The following SGTA variants were observed in gnomAD, a reference collection of about 807,000 sequenced individuals.
SGTA encodes small glutamine rich tetratricopeptide repeat co-chaperone alpha, also known as small glutamine-rich tetratricopeptide repeat-containing protein alpha.
SGTA carries 22 observed loss-of-function variants against 44.3 expected under a neutral mutation model. The ratio of observed to expected loss-of-function variants is 0.50; its 90% CI spans 0.36 to 0.71. The LOEUF is 0.71. SGTA is among the 30% of genes least tolerant of loss of function. SGTA has a pLI of 0.00. For synonymous variants in SGTA, 174 were observed against 177.6 expected (o/e 0.98, Z 0.16); for missense variants, 341 against 435.9 (o/e 0.78, Z 1.94).
Position 2,769,053 on chromosome 19 carries a change from G to A in SGTA, c.16C>T (p.Arg6Cys), listed in dbSNP as rs368352182. The A allele has an allele frequency of 1.1e-5, 18 of 1,613,696 alleles. No individual in the cohort carries two copies. In the South Asian group the frequency reaches 1.2e-4, roughly 11 times the overall value. ...AACTGGATGATGGCGTAGGCCAGGCGCTTCTTGTTGTCCATCTTGAGCCCA... is the reference window on the plus strand; with the variant it reads ...AACTGGATGATGGCGTAGGCCAGGCACTTCTTGTTGTCCATCTTGAGCCCA... MDNKK[R>C]LAYAIIQFLH... Residue 6 changes from arginine (R) to cysteine (C), a missense_variant, in exon 2 of 12, where the codon CGC becomes TGC. By Grantham distance (180) the Arg-to-Cys change is radical. Coordinates refer to ENST00000221566, the MANE Select transcript of SGTA (RefSeq NM_003021.4).
In SGTA at chr19:2,767,655, C is replaced by T; in HGVS notation, c.132G>A (p.Gly44=). The T allele has an allele frequency of 1.9e-6, 3 of 1,613,760 alleles. No homozygotes were observed. The highest frequency in any genetic ancestry group is 2.5e-6 in the Non-Finnish European group (3 of 1,179,970). The change falls in exon 3 of 12, where the codon GGG becomes GGA. Residue 44 remains glycine, a synonymous_variant. Coordinates refer to ENST00000221566, the MANE Select transcript of SGTA (RefSeq NM_003021.4). The surrounding 1 kb of genome is among the most constrained non-coding windows in gnomAD (Gnocchi z 7.3). ...VAIQCLETAF[G]VTVEDSDLAL... is the part of the protein sequence containing the mutation. ...CAAGGTCACTGTCTTCTACCGTCAC[C>T]CCAAACGCAGTCTCCAGGCACTGGA... is the stretch of plus-strand genomic sequence containing the variant.
At chr19:2,771,575 CG>C (rs5741784) in intron 1 of SGTA, among the ~76,000 whole-genome samples, 30,278 of 109,216 alleles carry the variant, frequency 0.28, 4,348 homozygotes, top group East Asian at 0.62. Context: ...ACCTCCCCAT[CG>C]GGGGGGGGGG....
At chr19:2,758,318 C>A (rs1233873659) in intron 9 of SGTA, among the ~76,000 whole-genome samples, 1 of 152,146 alleles carries the variant, frequency 6.6e-6, no homozygotes, top group Non-Finnish European at 1.5e-5. Context: ...CACCTGAGGT[C>A]AGGAGTTCAA....
chr19:2,770,058 T>G (rs1422831396), intron 1 of SGTA: 1 of 84,718 alleles, frequency 1.2e-5, no homozygotes, highest in Admixed American at 1.5e-4. Flanking sequence ...GACACCCGCC[T>G]GGTTCCCCCC....
At position 2,778,442 on chromosome 19, in the gene SGTA, C is replaced by T. The variant is rs115013223; in HGVS notation, c.-24+4791G>A. 7.9e-3 allele frequency among the ~76,000 whole-genome samples: 1,202 copies of T among 152,210 alleles called. 16 individuals carry two copies. The highest frequency in any genetic ancestry group is 0.027 in the African/African-American group (1,139 of 41,514). On this transcript the variant is annotated intron_variant, in intron 1 of 11. Transcript: ENST00000221566. ...TCACACTCCTCTCTTCCAGTGCCGC[C>T]GGTGCCTCTGTACCCCAGGGCTTTT... is the stretch of plus-strand genomic sequence containing the variant.
chr19:2,759,568 G>A (rs543459372), intron 8 of SGTA: 14 of 474,086 alleles, frequency 3.0e-5, no homozygotes, highest in East Asian at 7.3e-5. Context: ...TGGCTGCTGC[G>A]GTTTTGCTGT....
intron 1 of SGTA, among the ~76,000 whole-genome samples, chr19:2,772,067 A>G (rs970499612): frequency 1.3e-5 from 2 of 152,242 alleles, no homozygotes; most frequent in Admixed American, 1.3e-4. Flanking sequence ...GGCCGGGCCC[A>G]GCCCGTGCAT....
intron 1 of SGTA, among the ~76,000 whole-genome samples, chr19:2,775,752 G>A (rs188673683): frequency 2.8e-4 from 42 of 152,264 alleles, no homozygotes; most frequent in African/African-American, 1.0e-3. Flanking sequence ...GACAGCTCTG[G>A]AACCAGAGAG....
chr19:2,762,698 C>A, intron 6 of SGTA, 54 bp from the exon 7 acceptor site: 2 of 1,601,068 alleles, frequency 1.2e-6, no homozygotes, highest in Non-Finnish European at 1.7e-6. Flanking sequence ...TCCAGGAGGC[C>A]CCGCCAAAGC....
At chr19:2,757,822 G>A in intron 9 of SGTA, 40 bp from the exon 10 acceptor site, 2 of 1,410,508 alleles carry the variant, frequency 1.4e-6, no homozygotes, top group Non-Finnish European at 9.6e-7. Flanking sequence ...GGGACAGCCT[G>A]ACCGCCACCC....
chr19:2,767,432 G>A lies in SGTA; in HGVS notation c.207+148C>T, dbSNP rs866857720. The A allele has an allele frequency of 1.7e-5, 13 of 760,082 alleles. No individual in the cohort carries two copies. In the African/African-American group the frequency reaches 2.1e-4, roughly 12 times the overall value. 47.1% of individuals were successfully genotyped at this position (760,082 alleles called of 1,614,324 possible). ...CCGCCGATAGGGGGAGGAGGGCCAAGTGCTCCTGCAGCCACGTCCCCAGCC... is the reference window on the plus strand; with the variant it reads ...CCGCCGATAGGGGGAGGAGGGCCAAATGCTCCTGCAGCCACGTCCCCAGCC... On this transcript the variant is annotated intron_variant, in intron 3 of 11. Transcript: ENST00000221566. This position sits in a 1 kb window ranked among gnomAD's most constrained non-coding sequence, Gnocchi z 7.3.
chr19:2,772,513 G>A (rs1338944507), intron 1 of SGTA, among the ~76,000 whole-genome samples: 1 of 152,232 alleles, frequency 6.6e-6, no homozygotes, highest in African/African-American at 2.4e-5. Flanking sequence ...ACGCTGACAG[G>A]CGGCTCCAGG....
chr19:2,762,710 C>T (rs965116888), intron 6 of SGTA, 66 bp from the exon 7 acceptor site: 18 of 1,591,852 alleles, frequency 1.1e-5, no homozygotes, highest in Non-Finnish European at 1.5e-5. Context: ...CGCCAAAGCC[C>T]TCGTCCCCGG....
At chr19:2,764,140 G>T (rs898645939) in intron 5 of SGTA, among the ~76,000 whole-genome samples, 5 of 152,212 alleles carry the variant, frequency 3.3e-5, no homozygotes, top group Non-Finnish European at 5.9e-5. Context: ...GGCTTACAGC[G>T]TCTGAATCGT....
chr19:2,762,682 C>T (rs1277188260), intron 6 of SGTA, 38 bp from the exon 7 acceptor site: 3 of 1,609,606 alleles, frequency 1.9e-6, no homozygotes, highest in Non-Finnish European at 2.5e-6. Flanking sequence ...TTCCCATCTG[C>T]CCAGCTCCAG....
At chr19:2,757,190 G>A in intron 11 of SGTA, 147 bp downstream of exon 11, 1 of 1,042,730 alleles carries the variant, frequency 9.6e-7, no homozygotes, top group Non-Finnish European at 1.4e-6. Context: ...GATCTTCTGA[G>A]CTGGATGCAC....
At chr19:2,772,988 C>T (rs71339136) in intron 1 of SGTA, among the ~76,000 whole-genome samples, 2 of 29,810 alleles carry the variant, frequency 6.7e-5, no homozygotes, top group African/African-American at 4.7e-4. Context: ...CGCAGCCACA[C>T]GGCAGGGACT....
chr19:2,765,632 C>A lies in SGTA; in HGVS notation c.293-347G>T, dbSNP rs545360090. Among the ~76,000 whole-genome samples the A allele has an allele frequency of 6.6e-6, 1 of 152,304 alleles. No individual in the cohort carries two copies. The highest frequency in any genetic ancestry group is 1.5e-5 in the Non-Finnish European group (1 of 68,022). On this transcript the variant is annotated intron_variant, in intron 4 of 11. Transcript: ENST00000221566. This position sits in a 1 kb window ranked among gnomAD's most constrained non-coding sequence, Gnocchi z 5.5. ...TCACCGGCCCGGGGACGGAAACTGT[C>A]CCTTTCGCTATTGCTTTTGGAAAGA...
intron 1 of SGTA, among the ~76,000 whole-genome samples, chr19:2,779,694 G>T (rs1899553808): frequency 6.6e-6 from 1 of 152,222 alleles, no homozygotes; most frequent in South Asian, 2.1e-4. Context: ...CCAATGTTGG[G>T]GGCTTCAGCG....
Sources: gnomAD v4.1 joint callset for allele counts (sites outside exome capture counted in the v4.1 genomes callset) on GRCh38, gnomAD v4.1.1 for gene constraint, Gnocchi (gnomAD v3.1) non-coding constraint, MANE v1.5 for transcripts, NCBI Gene and HGNC (gene_info 2026-07-23, HGNC 2026-07-21) for gene names.